SYNE2: variants seen among roughly 807,000 people sequenced by gnomAD.
SYNE2 encodes the protein spectrin repeat containing nuclear envelope protein 2, also known as nesprin-2.
In SYNE2, 431 loss-of-function variants were observed where a neutral mutation model predicts 856.3. The observed-to-expected ratio is 0.50, with a 90% CI of 0.47 to 0.55. The LOEUF is 0.55. SYNE2 is among the 20% of genes least tolerant of loss of function. The pLI is 0.00. For synonymous variants in SYNE2, 2,923 were observed against 2,872.3 expected (o/e 1.02, Z -0.56); for missense variants, 8,129 against 8,023.2 (o/e 1.01, Z -0.50).
intron 66 of SYNE2, 57 bp downstream of exon 66, chr14:64,113,628 T>G: frequency 3.3e-6 from 5 of 1,519,800 alleles, no homozygotes; most frequent in Non-Finnish European, 4.5e-6. Flanking sequence ...TCTGCCAAGA[T>G]TGGGTGAATT....
At chr14:63,980,759 G>A (rs1566964290) in intron 15 of SYNE2, 27 bp downstream of exon 15, 1 of 1,437,380 alleles carries the variant, frequency 7.0e-7, no homozygotes, top group Admixed American at 1.7e-5. Flanking sequence ...ACTTTCTGAT[G>A]GAATGACTGT....
At chr14:63,790,159 C>T (rs535551633) in intron 1 of SYNE2, among the ~76,000 whole-genome samples, 1 of 151,892 alleles carries the variant, frequency 6.6e-6, no homozygotes, top group African/African-American at 2.4e-5. Flanking sequence ...ATGGCAAAAC[C>T]CCATCCCTAC....
At chr14:64,038,407 C>A (rs980843868) in intron 45 of SYNE2, among the ~76,000 whole-genome samples, 34 of 149,934 alleles carry the variant, frequency 2.3e-4, no homozygotes. Flanking sequence ...ATGGGCGGCC[C>A]GGCAGAGACA....
chr14:63,893,845 G>C (rs1367948608), intron 1 of SYNE2, among the ~76,000 whole-genome samples: 2 of 152,152 alleles, frequency 1.3e-5, no homozygotes, highest in Admixed American at 6.5e-5. Flanking sequence ...CAGCCTCTAA[G>C]TGATGCAAGG....
chr14:64,218,974 T>C (rs1375682313), intron 109 of SYNE2, among the ~76,000 whole-genome samples: 1 of 152,188 alleles, frequency 6.6e-6, no homozygotes, highest in Non-Finnish European at 1.5e-5. Context: ...CTGTAGCACA[T>C]AGACCTTCCA....
At chr14:63,933,663 C>G (rs1009267069) in intron 2 of SYNE2, among the ~76,000 whole-genome samples, 1 of 152,160 alleles carries the variant, frequency 6.6e-6, no homozygotes, top group African/African-American at 2.4e-5. Flanking sequence ...CCTGAAAAAT[C>G]AAGATAGAGA....
chr14:64,192,358 A>G (rs1339436923), intron 99 of SYNE2, among the ~76,000 whole-genome samples: 1 of 152,202 alleles, frequency 6.6e-6, no homozygotes, highest in Non-Finnish European at 1.5e-5. Context: ...ATACAGGATC[A>G]AGATCTAGCT....
intron 74 of SYNE2, 67 bp downstream of exon 74, chr14:64,128,620 C>T: frequency 1.1e-6 from 1 of 940,094 alleles, no homozygotes; most frequent in East Asian, 2.4e-5. Flanking sequence ...ATAAGCCGTG[C>T]TTCTGAACTA....
intron 70 of SYNE2, among the ~76,000 whole-genome samples, chr14:64,124,851 A>C (rs1393557820): frequency 6.6e-6 from 1 of 152,042 alleles, no homozygotes; most frequent in Non-Finnish European, 1.5e-5. Flanking sequence ...AAAAATACAA[A>C]AATTAGCCGG....
At chr14:64,046,850 G>A (rs1172322802) in intron 45 of SYNE2, among the ~76,000 whole-genome samples, 2 of 152,218 alleles carry the variant, frequency 1.3e-5, no homozygotes, top group Non-Finnish European at 2.9e-5. Context: ...GCCAGACTAG[G>A]CATGTCACCT....
At position 64,165,327 on chromosome 14, in the gene SYNE2, T is replaced by C; in HGVS notation, c.16522T>C (p.Ser5508Pro). 6.2e-7 allele frequency: 1 copy of C among 1,614,044 alleles called. No individual in the cohort carries two copies. The highest frequency in any genetic ancestry group is 8.5e-7 in the Non-Finnish European group (1 of 1,179,950). ...TAAGGATTTTGGAGTCCGGCTGGAATCTTTAAAAGGTCTTATTATGCATGA... is the reference window on the plus strand; with the variant it reads ...TAAGGATTTTGGAGTCCGGCTGGAACCTTTAAAAGGTCTTATTATGCATGA... ...QFKDFGVRLE[S>P]LKGLIMHEEE... Residue 5508 changes from serine (S) to proline (P), a missense_variant, in exon 90 of 116, where the codon TCT becomes CCT. By Grantham distance (74) the Ser-to-Pro change is moderately conservative. Transcript: ENST00000555002.
chr14:64,151,575 A>C (rs1242884864), intron 84 of SYNE2, among the ~76,000 whole-genome samples: 1 of 151,696 alleles, frequency 6.6e-6, no homozygotes, highest in Non-Finnish European at 1.5e-5. Flanking sequence ...AAAATAAAAA[A>C]AGCTGGGATC....
rs2096764724 is a variant in SYNE2, at chr14:64,002,700, T to G, written c.3787-20T>G. ...CTTTTTTCCACCTCAGTGTTTTAGCTTTTCTTATCTTTATTTTAGAATATC... is the reference window on the plus strand; with the variant it reads ...CTTTTTTCCACCTCAGTGTTTTAGCGTTTCTTATCTTTATTTTAGAATATC... On this transcript the variant is annotated intron_variant, in intron 29 of 115. Transcript: ENST00000555002. The G allele has an allele frequency of 2.5e-6, 4 of 1,610,004 alleles. No homozygotes were observed. The highest frequency in any genetic ancestry group is 2.5e-6 in the Non-Finnish European group (3 of 1,179,304).
At chr14:63,784,328 T>TAA (rs202081650) in intron 1 of SYNE2, among the ~76,000 whole-genome samples, 34 of 146,906 alleles carry the variant, frequency 2.3e-4, no homozygotes, top group East Asian at 1.0e-3. Flanking sequence ...CTGTCTCTAC[T>TAA]AAAAAAAAAA....
chr14:64,211,016 C>G (rs1193692016), intron 103 of SYNE2, among the ~76,000 whole-genome samples: 1 of 152,128 alleles, frequency 6.6e-6, no homozygotes, highest in African/African-American at 2.4e-5. Flanking sequence ...GGGTCTCACT[C>G]TGTTGCCCAG....
chr14:63,961,005 C>G (rs944359784), intron 8 of SYNE2: 3 of 502,382 alleles, frequency 6.0e-6, no homozygotes, highest in African/African-American at 5.7e-5. Flanking sequence ...AGAAGGCTTT[C>G]AGTAGATTTA....
At chr14:64,004,225 G>T (rs11158523) in intron 30 of SYNE2, among the ~76,000 whole-genome samples, 56,748 of 146,452 alleles carry the variant, frequency 0.39, 11,055 homozygotes, top group African/African-American at 0.44. Flanking sequence ...TAGTAGAGAC[G>T]GGTTTTCACC....
At chr14:64,082,127 T>C (rs1019456172) in intron 57 of SYNE2, among the ~76,000 whole-genome samples, 4 of 152,046 alleles carry the variant, frequency 2.6e-5, no homozygotes, top group Admixed American at 2.6e-4. Context: ...CTGATGGTTT[T>C]GGTTGTTAGA....
rs1248843444 is a variant in SYNE2 at position 64,170,518 on chromosome 14, T to G, written c.17235+56T>G. 2.0e-6 allele frequency: 3 copies of G among 1,496,718 alleles called. No individual in the cohort carries two copies. The South Asian group carries it at 3.6e-5, about 18-fold the overall frequency. 92.7% of individuals were successfully genotyped at this position (1,496,718 alleles called of 1,614,324 possible). ...CACAGGGTGGTCATTGTTTGCAAGA[T>G]GTTCATTCACCTTTGGTTTAATGTT... is the stretch of plus-strand genomic sequence containing the variant. On this transcript the variant is annotated intron_variant, in intron 94 of 115. Coordinates refer to ENST00000555002, the MANE Select transcript of SYNE2 (RefSeq NM_182914.3).
Sources: allele counts gnomAD v4.1 joint callset (sites outside exome capture counted in the v4.1 genomes callset), GRCh38; gene constraint gnomAD v4.1.1; transcripts MANE v1.5; gene names NCBI Gene and HGNC (gene_info 2026-07-23, HGNC 2026-07-21).